Variants in ZNF804B observed in about 807,000 individuals in gnomAD.
ZNF804B encodes zinc finger protein 804B.
A neutral mutation model predicts 101.4 loss-of-function variants in ZNF804B; 80 were observed. That is an observed-to-expected ratio of 0.79 (90% CI 0.66 to 0.95). ZNF804B has a LOEUF of 0.95. Among genes scored for constraint, ZNF804B ranks in the 40% least tolerant of loss-of-function variants. The probability of loss-of-function intolerance (pLI) is 0.00; values close to 1 mark genes in which losing one functional copy is unlikely to be tolerated. For missense variants in ZNF804B, 1,673 were observed against 1,561.9 expected (o/e 1.07, Z -1.20); for synonymous variants, 622 against 558.8 (o/e 1.11, Z -1.59).
chr7:88,914,647 A>G (rs1792605938), intron 1 of ZNF804B, among the ~76,000 whole-genome samples: 1 of 152,202 alleles, frequency 6.6e-6, no homozygotes, highest in Admixed American at 6.5e-5. Flanking sequence ...ATATGTTTCA[A>G]TAATTATGTT....
Position 88,791,744 on chromosome 7 carries a change from A to G in ZNF804B, c.108+31660A>G, listed in dbSNP as rs553066836. On this transcript the variant is annotated intron_variant, in intron 1 of 3. Coordinates refer to ENST00000333190, the MANE Select transcript of ZNF804B (RefSeq NM_181646.5). ...TTAATGAATAATAAGTGATACAAAG[A>G]GCTTATACACGTATATATTATTTTT... is the stretch of plus-strand genomic sequence containing the variant. Among the ~76,000 whole-genome samples, 173 of 152,254 alleles carry G rather than the reference A, an allele frequency of 1.1e-3. 2 individuals are homozygous for G. The highest frequency in any genetic ancestry group is 4.1e-3 in the African/African-American group (170 of 41,556).
intron 1 of ZNF804B, among the ~76,000 whole-genome samples, chr7:89,170,968 C>A (rs1791215146): frequency 6.6e-6 from 1 of 152,186 alleles, no homozygotes; most frequent in South Asian, 2.1e-4. Flanking sequence ...CCTGGCCTTG[C>A]ATTATTTACC....
intron 1 of ZNF804B, among the ~76,000 whole-genome samples, chr7:89,182,319 C>G (rs773039105): frequency 6.6e-6 from 1 of 152,124 alleles, no homozygotes; most frequent in African/African-American, 2.4e-5. Flanking sequence ...AATCAAAATT[C>G]TGCTAATACA....
At chr7:88,994,994 G>C (rs1246955986) in intron 1 of ZNF804B, among the ~76,000 whole-genome samples, 3 of 152,028 alleles carry the variant, frequency 2.0e-5, no homozygotes, top group Non-Finnish European at 4.4e-5. Context: ...TAGATTGTTT[G>C]ATTTTGTTGT....
At chr7:88,844,714 G>A (rs1003229512) in intron 1 of ZNF804B, among the ~76,000 whole-genome samples, 5 of 152,034 alleles carry the variant, frequency 3.3e-5, no homozygotes, top group Admixed American at 1.3e-4. Context: ...TCCCTTCCCC[G>A]TCTGAATCTT....
chr7:89,096,422 G>A (rs976102387), intron 1 of ZNF804B, among the ~76,000 whole-genome samples: 1 of 152,102 alleles, frequency 6.6e-6, no homozygotes. Context: ...TTGATCCCGA[G>A]ACTGATGTGA....
chr7:88,794,683 C>G (rs377125725), intron 1 of ZNF804B: 12 of 1,613,606 alleles, frequency 7.4e-6, no homozygotes, highest in South Asian at 3.3e-5. Flanking sequence ...GAGCAGCAAT[C>G]CTGTCACTGC....
chr7:88,942,531 T>TG (rs201002087), intron 1 of ZNF804B, among the ~76,000 whole-genome samples: 197 of 148,212 alleles, frequency 1.3e-3, no homozygotes, highest in African/African-American at 4.6e-3. Flanking sequence ...TGTGTGTGTG[T>TG]TTTGCATTGA....
At chr7:89,263,345 T>C (rs546661747) in intron 2 of ZNF804B, among the ~76,000 whole-genome samples, 3 of 140,812 alleles carry the variant, frequency 2.1e-5, no homozygotes, top group African/African-American at 8.0e-5. Context: ...AAAGTTGTGC[T>C]TTGATATGGC....
chr7:89,319,634 T>C (rs1241270715), intron 2 of ZNF804B, among the ~76,000 whole-genome samples: 2 of 152,168 alleles, frequency 1.3e-5, no homozygotes, highest in African/African-American at 4.8e-5. Flanking sequence ...CTAGGACTTT[T>C]AGCAAGTACT....
At chr7:89,136,220 T>C (rs1790632326) in intron 1 of ZNF804B, among the ~76,000 whole-genome samples, 2 of 152,104 alleles carry the variant, frequency 1.3e-5, no homozygotes, top group South Asian at 4.1e-4. Flanking sequence ...GTTGAAGATC[T>C]CTTGCCTGTT....
At chr7:89,090,590 A>C (rs1261319442) in intron 1 of ZNF804B, among the ~76,000 whole-genome samples, 1 of 152,026 alleles carries the variant, frequency 6.6e-6, no homozygotes, top group Non-Finnish European at 1.5e-5. Flanking sequence ...ATTGGATTAT[A>C]AAGATGAAAA....
At chr7:88,785,248 AC>A (rs1186828968) in intron 1 of ZNF804B, among the ~76,000 whole-genome samples, 1 of 152,030 alleles carries the variant, frequency 6.6e-6, no homozygotes, top group Non-Finnish European at 1.5e-5. Flanking sequence ...TGGCATCTTC[AC>A]CTGCCTGGTA....
rs980218140 is a variant in ZNF804B, at chr7:89,062,129, A to G, written c.109-156026A>G. On this transcript the variant is annotated intron_variant, in intron 1 of 3. Coordinates refer to ENST00000333190, the MANE Select transcript of ZNF804B (RefSeq NM_181646.5). Reference sequence around the variant, plus strand: ...TCCAGAAAGAAGGCCCTTCTCATCTACCCTTTACTCTGTCAATAGGAAGTC... The same window carrying G: ...TCCAGAAAGAAGGCCCTTCTCATCTGCCCTTTACTCTGTCAATAGGAAGTC... Among the ~76,000 whole-genome samples the G allele has an allele frequency of 3.3e-5, 5 of 152,114 alleles. No homozygotes were observed. In the East Asian group the frequency reaches 5.8e-4, roughly 18 times the overall value.
At chr7:88,801,765 G>C (rs4728777) in intron 1 of ZNF804B, among the ~76,000 whole-genome samples, 1 of 151,784 alleles carries the variant, frequency 6.6e-6, no homozygotes, top group Non-Finnish European at 1.5e-5. Flanking sequence ...TAGAAAAAAA[G>C]AACTTTGAAA....
At chr7:89,313,860 G>T (rs1790680010) in intron 2 of ZNF804B, among the ~76,000 whole-genome samples, 1 of 151,926 alleles carries the variant, frequency 6.6e-6, no homozygotes, top group Admixed American at 6.5e-5. Context: ...CATTGTTTTT[G>T]ATCTGGGTAG....
intron 1 of ZNF804B, among the ~76,000 whole-genome samples, chr7:88,875,336 AC>A (rs1260251388): frequency 6.6e-6 from 1 of 152,018 alleles, no homozygotes; most frequent in Admixed American, 6.6e-5. Context: ...AAATAGAGAC[AC>A]AAAAAACCCT....
In ZNF804B at chr7:89,092,408, GT is replaced by G. The variant is rs71120056; in HGVS notation, c.109-125725del. Reference sequence around the variant, plus strand: ...CTAACATTGATTTCTTTTCTTTTCTGTTTTTTTTTTTTTTTTTTTTTTGAGA... The same window carrying G: ...CTAACATTGATTTCTTTTCTTTTCTGTTTTTTTTTTTTTTTTTTTTTGAGA... On this transcript the variant is annotated intron_variant, in intron 1 of 3. Transcript: ENST00000333190. 4.5e-4 allele frequency among the ~76,000 whole-genome samples: 42 copies of G among 93,820 alleles called. No individual in the cohort carries two copies. In the East Asian group the frequency reaches 0.014, roughly 31 times the overall value. The allele number at this position is 93,820 out of a possible 152,430, so 61.5% of individuals were successfully genotyped here. A position where few individuals can be genotyped will look rare whatever the true frequency, so the allele number is the denominator to read the frequency against.
At chr7:88,829,167 C>T (rs1402277953) in intron 1 of ZNF804B, among the ~76,000 whole-genome samples, 1 of 152,080 alleles carries the variant, frequency 6.6e-6, no homozygotes, top group African/African-American at 2.4e-5. Flanking sequence ...TCACTGTAGC[C>T]TTGAACTCCT....
Sources: allele counts gnomAD v4.1 joint callset (sites outside exome capture counted in the v4.1 genomes callset), GRCh38; gene constraint gnomAD v4.1.1; transcripts MANE v1.5; gene names NCBI Gene and HGNC (gene_info 2026-07-23, HGNC 2026-07-21).